Variants in CRK observed in about 807,000 individuals in gnomAD.
CRK encodes adapter molecule crk.
CRK carries 4 observed loss-of-function variants against 29.8 expected under a neutral mutation model. That is an observed-to-expected ratio of 0.13 (90% CI 0.07 to 0.31). CRK has a LOEUF of 0.31. Among genes scored for constraint, CRK ranks in the 10% least tolerant of loss-of-function variants. The pLI, the probability that CRK is intolerant of heterozygous loss-of-function variation, is 1.00. For missense variants in CRK, 274 were observed against 396.5 expected, an observed-to-expected ratio of 0.69 and a Z score of 2.62; for synonymous variants, 153 against 164.9, an observed-to-expected ratio of 0.93 and a Z score of 0.55.
rs554041488 is a variant in CRK at position 1,441,770 on chromosome 17, G to A, written c.242-4615C>T. On this transcript the variant is annotated intron_variant, in intron 1 of 2. Coordinates refer to ENST00000300574, the MANE Select transcript of CRK (RefSeq NM_016823.4). ...CTCCCAAAGTGCTGGGATTACAGGC[G>A]TGAGCCACTGTGCCCGGCCCTTCAC... 5.3e-5 allele frequency among the ~76,000 whole-genome samples: 8 copies of A among 152,170 alleles called. No individual in the cohort carries two copies. In the South Asian group the frequency reaches 1.0e-3, roughly 20 times the overall value.
At chr17:1,426,898 A>G (rs1460346946) in intron 2 of CRK, among the ~76,000 whole-genome samples, 3 of 150,902 alleles carry the variant, frequency 2.0e-5, no homozygotes, top group Admixed American at 6.6e-5. Flanking sequence ...CAGGCATAGT[A>G]GTGTGCGCCT....
At chr17:1,431,094 AT>A (rs1202148793) in intron 2 of CRK, among the ~76,000 whole-genome samples, 4 of 151,624 alleles carry the variant, frequency 2.6e-5, no homozygotes. Flanking sequence ...AAACAAACAA[AT>A]TAACCCTTTG....
In CRK at chr17:1,436,757, C is replaced by A; in HGVS notation, c.640G>T (p.Gly214Cys). The A allele has an allele frequency of 6.3e-7, 1 of 1,590,472 alleles. No homozygotes were observed. The highest frequency in any genetic ancestry group is 8.5e-7 in the Non-Finnish European group (1 of 1,170,642). ...NQEGSHPQPL[G>C]GPEPGPYAQP... ...GCATAGGGCCCAGGCTCCGGCCCAC[C>A]CAGTGGCTGTGGGTGGGAACCCTCC... Residue 214 changes from glycine (G) to cysteine (C), a missense_variant, in exon 2 of 3, where the codon GGT becomes TGT. Gly to Cys is a radical substitution (Grantham distance 159). Transcript: ENST00000300574.
intron 2 of CRK, among the ~76,000 whole-genome samples, chr17:1,431,924 T>C (rs775646342): frequency 2.6e-4 from 40 of 152,156 alleles, no homozygotes; most frequent in Non-Finnish European, 7.3e-5. Flanking sequence ...GATTTCAAAA[T>C]TCAAGTTATA....
intron 1 of CRK, among the ~76,000 whole-genome samples, chr17:1,441,122 T>A (rs548850212): frequency 8.6e-5 from 13 of 151,874 alleles, no homozygotes; most frequent in Admixed American, 8.5e-4. Flanking sequence ...GTAATGGGAT[T>A]TCGCCATGTT....
At chr17:1,430,911 C>CA (rs1197953750) in intron 2 of CRK, among the ~76,000 whole-genome samples, 14 of 151,332 alleles carry the variant, frequency 9.3e-5, no homozygotes, top group Non-Finnish European at 5.9e-5. Context: ...ACTAAAAATA[C>CA]AAAAAAATTA....
intron 2 of CRK, among the ~76,000 whole-genome samples, chr17:1,429,611 G>C (rs1240577881): frequency 2.2e-5 from 3 of 136,512 alleles, no homozygotes; most frequent in African/African-American, 5.6e-5. Context: ...GCAGCACAGT[G>C]AAACTCTGTC....
At chr17:1,424,035 C>CA (rs1295499714) in intron 2 of CRK, among the ~76,000 whole-genome samples, 1 of 151,056 alleles carries the variant, frequency 6.6e-6, no homozygotes, top group African/African-American at 2.4e-5. Flanking sequence ...GCCTGCTCCG[C>CA]AGGCCCTGTC....
chr17:1,441,050 C>T (rs1443729317), intron 1 of CRK, among the ~76,000 whole-genome samples: 1 of 152,226 alleles, frequency 6.6e-6, no homozygotes, highest in Non-Finnish European at 1.5e-5. Context: ...ATCCTCTTAC[C>T]TCAGCCTCCT....
At chr17:1,454,725 C>A (rs779316099) in intron 1 of CRK, among the ~76,000 whole-genome samples, 2 of 152,140 alleles carry the variant, frequency 1.3e-5, no homozygotes, top group East Asian at 1.9e-4. Context: ...TTGGCAACAG[C>A]GTGAAGGCAC....
chr17:1,427,541 C>G (rs892727428), intron 2 of CRK, among the ~76,000 whole-genome samples: 1 of 151,752 alleles, frequency 6.6e-6, no homozygotes, highest in Non-Finnish European at 1.5e-5. Flanking sequence ...TGCAGTGAGC[C>G]GAGATCACGC....
At chr17:1,455,820 C>G in intron 1 of CRK, 57 bp downstream of exon 1, 2 of 1,437,982 alleles carry the variant, frequency 1.4e-6, no homozygotes, top group Non-Finnish European at 1.8e-6. Context: ...GCCAGCCAGG[C>G]TGGGAGTTCC....
At chr17:1,430,592 C>G (rs1447353627) in intron 2 of CRK, among the ~76,000 whole-genome samples, 1 of 149,004 alleles carries the variant, frequency 6.7e-6, no homozygotes, top group South Asian at 2.1e-4. Context: ...GTCTCCATTT[C>G]CTGACCTCGT....
At chr17:1,443,275 C>A (rs1260055384) in intron 1 of CRK, among the ~76,000 whole-genome samples, 1 of 152,136 alleles carries the variant, frequency 6.6e-6, no homozygotes, top group African/African-American at 2.4e-5. Flanking sequence ...AGCCACTGCA[C>A]CCGGCCGCAG....
At position 1,446,764 on chromosome 17, in the gene CRK, T is replaced by C. The variant is rs188272467; in HGVS notation, c.241+9113A>G. Among the ~76,000 whole-genome samples the C allele has an allele frequency of 8.2e-4, 125 of 152,016 alleles. No individual in the cohort carries two copies. In the East Asian group the frequency reaches 0.019, roughly 23 times the overall value. ...CCGCCACCACGCCCGGGTTTTTTTTTCTGTATTTCTAGTAGAGACGGGGTT... is the reference window on the plus strand; with the variant it reads ...CCGCCACCACGCCCGGGTTTTTTTTCCTGTATTTCTAGTAGAGACGGGGTT... On this transcript the variant is annotated intron_variant, in intron 1 of 2. Transcript: ENST00000300574.
chr17:1,438,916 A>G (rs2073911784), intron 1 of CRK, among the ~76,000 whole-genome samples: 1 of 151,038 alleles, frequency 6.6e-6, no homozygotes, highest in African/African-American at 2.4e-5. Flanking sequence ...GATCATAGCT[A>G]ACTGCAGCCT....
rs11273899 is a variant in CRK at position 1,431,067 on chromosome 17, A to AAAACAAACAAACAAAC, written c.777+5537_777+5552dup. 3.2e-3 allele frequency among the ~76,000 whole-genome samples: 477 copies of AAAACAAACAAACAAAC among 150,686 alleles called. 3 individuals carry two copies. Among genetic ancestry groups the AAAACAAACAAACAAAC allele is most frequent in the African/African-American group, 0.011 (431 of 40,988 alleles). On this transcript the variant is annotated intron_variant, in intron 2 of 2. Transcript: ENST00000300574. ...GGGCGACAGAGTGAGACTCCGTCTC[A>AAAACAAACAAACAAAC]AAACAAACAAACAAACAAACAAACA...
intron 2 of CRK, among the ~76,000 whole-genome samples, chr17:1,424,056 C>A (rs962987229): frequency 2.0e-5 from 3 of 149,810 alleles, no homozygotes; most frequent in Non-Finnish European, 3.0e-5. Context: ...CGAGGAGAAG[C>A]AGCTTTCTCC....
intron 1 of CRK, among the ~76,000 whole-genome samples, chr17:1,446,897 C>T (rs2073979692): frequency 6.6e-6 from 1 of 152,112 alleles, no homozygotes; most frequent in South Asian, 2.1e-4. Context: ...CCGGCCGTGA[C>T]TTTCTTTTTG....
Sources: gnomAD v4.1 joint callset for allele counts (sites outside exome capture counted in the v4.1 genomes callset) on GRCh38, gnomAD v4.1.1 for gene constraint, MANE v1.5 for transcripts, NCBI Gene and HGNC (gene_info 2026-07-23, HGNC 2026-07-21) for gene names.